The following TXNDC5 variants were observed in gnomAD, a reference collection of about 807,000 sequenced individuals.
TXNDC5 encodes thioredoxin domain containing 5.
A neutral mutation model predicts 52.6 loss-of-function variants in TXNDC5; 44 were observed. The ratio of observed to expected loss-of-function variants is 0.84; its 90% confidence interval spans 0.66 to 1.08. The LOEUF is 1.08. Among genes scored for constraint, TXNDC5 ranks in the 50% least tolerant of loss-of-function variants. TXNDC5 has a pLI of 0.00. For missense variants in TXNDC5, 600 were observed against 565.5 expected (o/e 1.06, Z -0.62); for synonymous variants, 241 against 234.4 (o/e 1.03, Z -0.26).
chr6:7,906,313 G>A (rs924791490), intron 1 of TXNDC5, among the ~76,000 whole-genome samples: 2 of 151,992 alleles, frequency 1.3e-5, no homozygotes, highest in African/African-American at 2.4e-5. Flanking sequence ...CGAAGCAAGC[G>A]GATCACAAGG....
chr6:7,907,162 TC>T (rs1235990929), intron 1 of TXNDC5, among the ~76,000 whole-genome samples: 12 of 147,500 alleles, frequency 8.1e-5, no homozygotes, highest in Admixed American at 8.0e-4. Context: ...GCTTTTTTTT[TC>T]CCTTTTTTTT....
chr6:7,897,141 GATAAA>G (rs1760397679), intron 3 of TXNDC5, among the ~76,000 whole-genome samples: 2 of 151,932 alleles, frequency 1.3e-5, no homozygotes, highest in African/African-American at 4.8e-5. Flanking sequence ...AAATCCACAT[GATAAA>G]ATAATATAAG....
intron 4 of TXNDC5, among the ~76,000 whole-genome samples, chr6:7,893,920 C>T (rs564848590): frequency 6.6e-5 from 10 of 152,250 alleles, no homozygotes; most frequent in South Asian, 4.1e-4. Flanking sequence ...TCAAGTCATT[C>T]GGTGTTGGGC....
At chr6:7,895,497 A>C (rs1357300294) in intron 3 of TXNDC5, among the ~76,000 whole-genome samples, 1 of 152,124 alleles carries the variant, frequency 6.6e-6, no homozygotes, top group Non-Finnish European at 1.5e-5. Flanking sequence ...ACCCAACCAA[A>C]CAAAGCAGAC....
At chr6:7,897,173 G>A (rs1049850019) in intron 3 of TXNDC5, among the ~76,000 whole-genome samples, 1 of 151,998 alleles carries the variant, frequency 6.6e-6, no homozygotes, top group Non-Finnish European at 1.5e-5. Flanking sequence ...TCAACATAAA[G>A]ACCACATAAA....
At chr6:7,889,849 CATT>C (rs1760131185) in intron 5 of TXNDC5, among the ~76,000 whole-genome samples, 1 of 152,130 alleles carries the variant, frequency 6.6e-6, no homozygotes. Flanking sequence ...TAGGAAGCAA[CATT>C]TTAACTCGAG....
At chr6:7,891,828 T>G in intron 4 of TXNDC5, 92 bp from the exon 5 acceptor site, 2 of 873,722 alleles carry the variant, frequency 2.3e-6, no homozygotes, top group Non-Finnish European at 3.6e-6. Flanking sequence ...ATCAGATCTT[T>G]GTCCTGCTTA....
chr6:7,900,252 T>C (rs431697), intron 2 of TXNDC5: 47,615 of 152,154 alleles, frequency 0.31, 8,127 homozygotes, highest in East Asian at 0.65. Context: ...CCTACAAATG[T>C]TGGCCTCTGA....
chr6:7,892,477 T>C lies in TXNDC5; in HGVS notation c.617-741A>G, dbSNP rs529686630. On this transcript the variant is annotated intron_variant, in intron 4 of 9. Coordinates refer to ENST00000379757, the MANE Select transcript of TXNDC5 (RefSeq NM_030810.5). ...ATAAACACATACACATATAGAACTA[T>C]AGTGCTCAGGAATGTGCACTTCAGT... Among the ~76,000 whole-genome samples, 594 of 152,340 alleles carry C rather than the reference T, an allele frequency of 3.9e-3. 3 individuals carry two copies. Among genetic ancestry groups the C allele is most frequent in the African/African-American group, 0.013 (558 of 41,580 alleles).
chr6:7,882,948 T>TTAGAGAAACTTAACTTAA lies in TXNDC5; in HGVS notation c.*178_*195dup. 1.6e-6 allele frequency: 1 copy of TTAGAGAAACTTAACTTAA among 640,138 alleles called. No homozygotes were observed. The highest frequency in any genetic ancestry group is 3.1e-5 in the Admixed American group (1 of 31,936). The allele number at this position is 640,138 out of a possible 1,614,324, so 39.7% of individuals were successfully genotyped here. The stretch of plus-strand genomic sequence containing the variant: ...CAGTGACCATGAGTTACACATTTAC[T>TTAGAGAAACTTAACTTAA]TAGAGAAACTTAACTTAATAAAGAA... On this transcript the variant is annotated 3_prime_UTR_variant, in exon 10 of 10. Coordinates refer to ENST00000379757, the MANE Select transcript of TXNDC5 (RefSeq NM_030810.5).
At chr6:7,887,600 G>A (rs75704565) in intron 7 of TXNDC5, among the ~76,000 whole-genome samples, 2,116 of 152,214 alleles carry the variant, frequency 0.014, 36 homozygotes, top group African/African-American at 0.049. Flanking sequence ...CATCTTTAAA[G>A]GCCTAATAGA....
chr6:7,888,032 T>C (rs75040542), intron 7 of TXNDC5, among the ~76,000 whole-genome samples: 2,869 of 152,318 alleles, frequency 0.019, 91 homozygotes, highest in African/African-American at 0.064. Context: ...CTTGTGTGTC[T>C]TCTCACCATT....
intron 3 of TXNDC5, among the ~76,000 whole-genome samples, chr6:7,898,904 T>C (rs1304062962): frequency 6.6e-6 from 1 of 152,046 alleles, no homozygotes; most frequent in Non-Finnish European, 1.5e-5. Context: ...GGAAGTGCAT[T>C]AAGACACAGA....
At chr6:7,884,173 CGAA>C (rs1190432603) in intron 9 of TXNDC5, among the ~76,000 whole-genome samples, 183 bp downstream of exon 9, 3 of 152,070 alleles carry the variant, frequency 2.0e-5, no homozygotes, top group Non-Finnish European at 2.9e-5. Flanking sequence ...ACAAAGCGGG[CGAA>C]GAAGAATGCC....
chr6:7,896,370 C>A (rs1249282570), intron 3 of TXNDC5, among the ~76,000 whole-genome samples: 2 of 152,180 alleles, frequency 1.3e-5, no homozygotes, highest in Non-Finnish European at 2.9e-5. Flanking sequence ...ACTTTTCAGA[C>A]CAGGTACAGC....
chr6:7,903,979 C>A (rs1477309602), intron 2 of TXNDC5, among the ~76,000 whole-genome samples: 1 of 152,234 alleles, frequency 6.6e-6, no homozygotes, highest in East Asian at 1.9e-4. Context: ...AAGGGAGGTG[C>A]AGGAGAAACA....
chr6:7,889,266 T>A (rs1336206098), intron 6 of TXNDC5: 3 of 519,842 alleles, frequency 5.8e-6, no homozygotes, highest in Non-Finnish European at 1.0e-5. Flanking sequence ...CTGTAAGATG[T>A]GGGTTATTCT....
At chr6:7,896,442 C>T (rs899048623) in intron 3 of TXNDC5, among the ~76,000 whole-genome samples, 1 of 152,152 alleles carries the variant, frequency 6.6e-6, no homozygotes, top group Non-Finnish European at 1.5e-5. Flanking sequence ...TGTTCTGCTG[C>T]AGACACATTA....
At chr6:7,885,925 A>G in intron 8 of TXNDC5, 36 bp downstream of exon 8, 5 of 1,596,398 alleles carry the variant, frequency 3.1e-6, no homozygotes, top group Non-Finnish European at 4.3e-6. Flanking sequence ...CTTAGTACAC[A>G]TGGACAAAGT....
Sources: gnomAD v4.1 joint callset for allele counts (sites outside exome capture counted in the v4.1 genomes callset) on GRCh38, gnomAD v4.1.1 for gene constraint, MANE v1.5 for transcripts, NCBI Gene and HGNC (gene_info 2026-07-23, HGNC 2026-07-21) for gene names.